The following EVC variants were observed in gnomAD, a reference collection of about 807,000 sequenced individuals.
EVC encodes the protein evC complex member EVC.
Under a neutral mutation model 118.9 loss-of-function variants are expected in EVC, and 116 were observed. That is an observed-to-expected ratio of 0.98 (90% CI 0.84 to 1.14). EVC has a LOEUF of 1.14. Ranked by LOEUF, EVC falls within the 50% of genes most tolerant of loss-of-function variation. The probability of loss-of-function intolerance (pLI) is 0.00; values close to 1 mark genes in which losing one functional copy is unlikely to be tolerated. For missense variants in EVC, 1,401 were observed against 1,246.4 expected (o/e 1.12, Z -1.87); for synonymous variants, 619 against 534.7 (o/e 1.16, Z -2.18).
intron 5 of EVC, among the ~76,000 whole-genome samples, chr4:5,735,909 A>T (rs1315513593): frequency 6.6e-6 from 1 of 152,114 alleles, no homozygotes; most frequent in Non-Finnish European, 1.5e-5. Context: ...GTGTGCTGGG[A>T]CTGTAAGAAC....
At chr4:5,712,795 AAG>A (rs2151784810) in intron 1 of EVC, among the ~76,000 whole-genome samples, 1 of 152,278 alleles carries the variant, frequency 6.6e-6, no homozygotes, top group Admixed American at 6.5e-5. Flanking sequence ...AAGAGACACT[AAG>A]AGATGCTGGC....
At chr4:5,824,214 G>T in the EVC span, 1 of 817,996 alleles carries the variant, frequency 1.2e-6, no homozygotes, top group Non-Finnish European at 1.5e-6. Flanking sequence ...TTGAGAGCTT[G>T]TGTCTTGTTG....
downstream of EVC, among the ~76,000 whole-genome samples, chr4:5,815,440 C>T (rs565423486): frequency 1.3e-5 from 2 of 152,286 alleles, no homozygotes; most frequent in South Asian, 2.1e-4. Context: ...GGTCCAGGTG[C>T]TTCCACACCC....
chr4:5,769,722 T>C (rs1364134084), intron 11 of EVC, among the ~76,000 whole-genome samples: 1 of 152,136 alleles, frequency 6.6e-6, no homozygotes, highest in East Asian at 1.9e-4. Flanking sequence ...TGAAAGGCTC[T>C]GGGAGAAGGT....
At position 5,719,330 on chromosome 4, in the gene EVC, G is replaced by C. The variant is rs2151842367; in HGVS notation, c.257G>C (p.Arg86Thr). The change falls in exon 2 of 21, where the codon AGG becomes ACG. Residue 86 changes from arginine (R) to threonine (T), a missense_variant. By Grantham distance (71) the Arg-to-Thr change is moderately conservative. Transcript: ENST00000264956. This position sits in a 1 kb window ranked among gnomAD's most constrained non-coding sequence, Gnocchi z 4.7. ...PSETGSPSRR[R>T]KREVQMSKDK... ...GAAACTGGCTCCCCATCAAGGAGGAGGAAGAGAGAAGTGCAGATGTCGAAG... is the reference window on the plus strand; with the variant it reads ...GAAACTGGCTCCCCATCAAGGAGGACGAAGAGAGAAGTGCAGATGTCGAAG... The C allele has an allele frequency of 6.2e-7, 1 of 1,614,214 alleles. No homozygotes were observed. The highest frequency in any genetic ancestry group is 8.5e-7 in the Non-Finnish European group (1 of 1,180,040).
In EVC at chr4:5,811,003, CAAA is replaced by C. The variant is rs1374139465; in HGVS notation, c.2946_2948del (p.Lys984del). ...AGTGAAGCTGGGGACAGTGGGAACTCAAAGAAGATGCTAAAGAGAAGAAGCAAC... is the reference window on the plus strand; with the variant it reads ...AGTGAAGCTGGGGACAGTGGGAACTCGAAGATGCTAAAGAGAAGAAGCAAC... On this transcript the variant is annotated inframe_deletion, in exon 21 of 21. Transcript: ENST00000264956. 12 of 1,612,902 alleles carry C rather than the reference CAAA, an allele frequency of 7.4e-6. No individual in the cohort carries two copies. The highest frequency in any genetic ancestry group is 1.0e-5 in the Non-Finnish European group (12 of 1,179,416).
intron 2 of EVC, among the ~76,000 whole-genome samples, chr4:5,727,214 C>T (rs1432246313): frequency 6.6e-6 from 1 of 152,086 alleles, no homozygotes; most frequent in Non-Finnish European, 1.5e-5. Flanking sequence ...CCTATTTCTC[C>T]ACATCCTCTC....
In EVC at chr4:5,811,372, T is replaced by C. The variant is rs1716887371; in HGVS notation, c.*335T>C. The C allele has an allele frequency of 8.5e-6, 3 of 353,318 alleles. No homozygotes were observed. The highest frequency in any genetic ancestry group is 7.7e-5 in the South Asian group (3 of 39,122). The allele number at this position is 353,318 out of a possible 1,614,324, so 21.9% of individuals were successfully genotyped here. A position where few individuals can be genotyped will look rare whatever the true frequency, so the allele number is the denominator to read the frequency against. ...GGCCAAGGACCCCTGATGCAGACTC[T>C]GGAATCCCTGGCCCAAAGGCCTGTC... On this transcript the variant is annotated 3_prime_UTR_variant, in exon 21 of 21. Coordinates refer to ENST00000264956, the MANE Select transcript of EVC (RefSeq NM_153717.3).
intron 13 of EVC, among the ~76,000 whole-genome samples, chr4:5,796,044 A>T (rs1011270543): frequency 6.6e-6 from 1 of 151,794 alleles, no homozygotes; most frequent in African/African-American, 2.4e-5. Context: ...TTTTCCTTTG[A>T]GGTATCTTCC....
intron 7 of EVC, among the ~76,000 whole-genome samples, chr4:5,747,129 G>C (rs944635306): frequency 6.6e-6 from 1 of 152,114 alleles, no homozygotes; most frequent in African/African-American, 2.4e-5. Context: ...ATGGGGCCCT[G>C]AGATGGGGAG....
chr4:5,735,504 C>A (rs948875477), intron 5 of EVC, among the ~76,000 whole-genome samples: 1 of 152,194 alleles, frequency 6.6e-6, no homozygotes, highest in African/African-American at 2.4e-5. Context: ...AGCTGCCCTG[C>A]TTTGAGAGGG....
At chr4:5,799,599 G>A (rs1479420772) in intron 15 of EVC, among the ~76,000 whole-genome samples, 1 of 152,116 alleles carries the variant, frequency 6.6e-6, no homozygotes, top group Non-Finnish European at 1.5e-5. Flanking sequence ...ACAGCACCTC[G>A]CTCGCTTCAG....
Position 5,798,909 on chromosome 4 carries a change from G to T in EVC, c.2304+117G>T, listed in dbSNP as rs962915142. On this transcript the variant is annotated intron_variant, in intron 15 of 20. Transcript: ENST00000264956. The surrounding 1 kb of genome is among the most constrained non-coding windows in gnomAD (Gnocchi z 4.1). ...TGGAGCTTGTGGCCTAGTAGACTTT[G>T]CCTGACTTCTCCATGACTTGATTTT... is the stretch of plus-strand genomic sequence containing the variant. 2.7e-6 allele frequency: 3 copies of T among 1,130,146 alleles called. No individual in the cohort carries two copies. The African/African-American group carries it at 4.6e-5, about 17-fold the overall frequency. 70.0% of individuals were successfully genotyped at this position (1,130,146 alleles called of 1,614,324 possible).
intron 2 of EVC, among the ~76,000 whole-genome samples, chr4:5,721,582 GAT>G (rs1724970083): frequency 6.6e-6 from 1 of 152,120 alleles, no homozygotes; most frequent in African/African-American, 2.4e-5. Context: ...TAAAGTTGAC[GAT>G]AGGCTGGGCA....
intron 13 of EVC, among the ~76,000 whole-genome samples, chr4:5,794,850 G>A (rs1255736407): frequency 6.6e-6 from 1 of 152,172 alleles, no homozygotes; most frequent in Non-Finnish European, 1.5e-5. Context: ...CATCACCCAG[G>A]TAGTGGACGC....
At chr4:5,720,436 A>T (rs1724754233) in intron 2 of EVC, among the ~76,000 whole-genome samples, 1 of 152,308 alleles carries the variant, frequency 6.6e-6, no homozygotes, top group East Asian at 1.9e-4. Context: ...TGGGTTTGCC[A>T]GGCCCCTGCT....
Position 5,729,447 on chromosome 4 carries a change from T to C in EVC, c.384+57T>C. 5.3e-6 allele frequency: 8 copies of C among 1,523,010 alleles called. No individual in the cohort carries two copies. The East Asian group carries it at 1.4e-4, about 26-fold the overall frequency. 94.3% of individuals were successfully genotyped at this position (1,523,010 alleles called of 1,614,324 possible). ...AGTTACTTCCGTCATGTGCCAGAGA[T>C]TGGGAGGAAAGTGGGGGGATTAACT... On this transcript the variant is annotated intron_variant, in intron 3 of 20. Transcript: ENST00000264956.
chr4:5,824,216 G>A, the EVC span: 7 of 843,552 alleles, frequency 8.3e-6, no homozygotes, highest in African/African-American at 1.3e-4. Context: ...GAGAGCTTGT[G>A]TCTTGTTGCA....
chr4:5,802,583 G>A (rs539906464), intron 16 of EVC, among the ~76,000 whole-genome samples: 1 of 75,378 alleles, frequency 1.3e-5, no homozygotes, highest in East Asian at 8.3e-4. Flanking sequence ...GGAGCCCTGA[G>A]CTTGTTTACC....
Sources: allele counts gnomAD v4.1 joint callset (sites outside exome capture counted in the v4.1 genomes callset), GRCh38; gene constraint gnomAD v4.1.1; non-coding constraint Gnocchi (gnomAD v3.1); transcripts MANE v1.5; gene names NCBI Gene and HGNC (gene_info 2026-07-23, HGNC 2026-07-21).